Variants in FBXO32 observed in about 807,000 individuals in gnomAD.
FBXO32 encodes F-box only protein 32.
FBXO32 carries 15 observed loss-of-function variants against 48.3 expected under a neutral mutation model. That is an observed-to-expected ratio of 0.31 (90% CI 0.21 to 0.48). The LOEUF is 0.48. Ranked by LOEUF, FBXO32 falls within the 20% of genes least tolerant of loss-of-function variation. FBXO32 has a pLI of 0.99. For synonymous variants in FBXO32, 154 were observed against 165.9 expected (o/e 0.93, Z 0.55); for missense variants, 309 against 432.7 (o/e 0.71, Z 2.54).
intron 4 of FBXO32, among the ~76,000 whole-genome samples, chr8:123,531,651 C>T (rs533979388): frequency 1.3e-5 from 2 of 152,268 alleles, no homozygotes; most frequent in Admixed American, 6.5e-5. Context: ...GCTCTTTAAC[C>T]GACTCACTGG....
chr8:123,519,100 C>T (rs1348693911), intron 4 of FBXO32, among the ~76,000 whole-genome samples: 2 of 152,148 alleles, frequency 1.3e-5, no homozygotes, highest in African/African-American at 2.4e-5. Flanking sequence ...GCTGGGATTA[C>T]AGGCATGAGC....
chr8:123,520,776 A>C (rs766428899), intron 4 of FBXO32, among the ~76,000 whole-genome samples: 2 of 152,080 alleles, frequency 1.3e-5, no homozygotes, highest in Non-Finnish European at 2.9e-5. Context: ...AAAATCCTCA[A>C]ATGGCTTCTC....
chr8:123,514,326 T>C lies in FBXO32; in HGVS notation c.380A>G (p.Glu127Gly), dbSNP rs1446880796. ...TGTGAGCTGTGACTTTGCTATCAGC[T>C]CCAACAGCTGAGGATAAAAATAGAA... ...RRFNYVVRLL[E>G]LIAKSQLTSL... is the part of the protein sequence containing the mutation. Residue 127 changes from glutamate (E) to glycine (G), a missense_variant, in exon 5 of 9, where the codon GAG (glutamate) becomes GGG (glycine). Glu to Gly is a moderately conservative substitution (Grantham distance 98, BLOSUM62 -2). Transcript: ENST00000517956. 3 of 1,611,614 alleles carry C rather than the reference T, an allele frequency of 1.9e-6. No individual in the cohort carries two copies. Among genetic ancestry groups the C allele is most frequent in the Non-Finnish European group, 2.5e-6 (3 of 1,179,086 alleles).
At chr8:123,507,849 G>A (rs1816660407) in intron 6 of FBXO32, among the ~76,000 whole-genome samples, 1 of 152,088 alleles carries the variant, frequency 6.6e-6, no homozygotes, top group Non-Finnish European at 1.5e-5. Context: ...GCTGGTGAGA[G>A]ACCCAGAGGC....
chr8:123,534,390 AC>A lies in FBXO32; in HGVS notation c.229+311del, dbSNP rs577392124. On this transcript the variant is annotated intron_variant, in intron 2 of 8. Coordinates refer to ENST00000517956, the MANE Select transcript of FBXO32 (RefSeq NM_058229.4). ...CCTCAAAACAGTTCAAAATAAAAGTACATACTGGAACTGATTCAGCTGACCA... is the reference window on the plus strand; with the variant it reads ...CCTCAAAACAGTTCAAAATAAAAGTAATACTGGAACTGATTCAGCTGACCA... Among the ~76,000 whole-genome samples the A allele has an allele frequency of 8.5e-5, 13 of 152,342 alleles. No homozygotes were observed. In the South Asian group the frequency reaches 2.7e-3, roughly 32 times the overall value.
intron 4 of FBXO32, among the ~76,000 whole-genome samples, chr8:123,531,032 T>C (rs1386825184): frequency 7.6e-6 from 1 of 132,328 alleles, no homozygotes; most frequent in Non-Finnish European, 1.5e-5. Flanking sequence ...CAGGCTGGAG[T>C]GCAATGGCGC....
chr8:123,509,421 T>C (rs964612179), intron 6 of FBXO32, among the ~76,000 whole-genome samples: 6 of 152,166 alleles, frequency 3.9e-5, no homozygotes, highest in African/African-American at 1.4e-4. Flanking sequence ...GTGTGGAGGC[T>C]GGGCTCAGTG....
At chr8:123,522,205 CTT>C (rs138504281) in intron 4 of FBXO32, among the ~76,000 whole-genome samples, 9,809 of 114,968 alleles carry the variant, frequency 0.085, 369 homozygotes, top group Admixed American at 0.18. Context: ...ATCCTGGTTA[CTT>C]TTTTTTTTTT....
In FBXO32 at chr8:123,540,313, G is replaced by T. The variant is rs1267656223; in HGVS notation, c.116+586C>A. Among the ~76,000 whole-genome samples, 1 of 152,168 alleles carries T rather than the reference G, an allele frequency of 6.6e-6. No individual in the cohort carries two copies. Among genetic ancestry groups the T allele is most frequent in the Non-Finnish European group, 1.5e-5 (1 of 68,024 alleles). On this transcript the variant is annotated intron_variant, in intron 1 of 8. Coordinates refer to ENST00000517956, the MANE Select transcript of FBXO32 (RefSeq NM_058229.4). The surrounding 1 kb of genome is among the most constrained non-coding windows in gnomAD (Gnocchi z 6.4). ...CCAAGCCTCCACCGCTCGCAAGTCC[G>T]CCCAGTAAGCGGCTGCCCCAGGGAC...
chr8:123,523,797 C>A (rs182798644), intron 4 of FBXO32, among the ~76,000 whole-genome samples: 1,622 of 152,216 alleles, frequency 0.011, 13 homozygotes, highest in Admixed American at 0.018. Flanking sequence ...ACAGAAATCT[C>A]AGTATTTTAT....
At position 123,506,241 on chromosome 8, in the gene FBXO32, C is replaced by T; in HGVS notation, c.834+151G>A. On this transcript the variant is annotated intron_variant, in intron 7 of 8. Transcript: ENST00000517956. This position sits in a 1 kb window ranked among gnomAD's most constrained non-coding sequence, Gnocchi z 4.0. Reference sequence around the variant, plus strand: ...GAGACCCTGTCTCAAAAAACAAAATCACAAAACTCCTTCAACTGTCATTTT... The same window carrying T: ...GAGACCCTGTCTCAAAAAACAAAATTACAAAACTCCTTCAACTGTCATTTT... 1 of 870,406 alleles carries T rather than the reference C, an allele frequency of 1.1e-6. No individual in the cohort carries two copies. Among genetic ancestry groups the T allele is most frequent in the Non-Finnish European group, 1.8e-6 (1 of 562,932 alleles). 53.9% of individuals were successfully genotyped at this position (870,406 alleles called of 1,614,324 possible).
Position 123,501,961 on chromosome 8 carries a change from A to G in FBXO32, c.*1412T>C, listed in dbSNP as rs1162620383. 1.3e-5 allele frequency: 2 copies of G among 152,236 alleles called. No homozygotes were observed. Among genetic ancestry groups the G allele is most frequent in the Non-Finnish European group, 2.9e-5 (2 of 68,042 alleles). The allele number at this position is 152,236 out of a possible 1,614,324, so 9.4% of individuals were successfully genotyped here. Reference sequence around the variant, plus strand: ...CCATCTATTCCCAGGAATATTTTACAACGAACTCATTAGGTCCTGAGATTT... The same window carrying G: ...CCATCTATTCCCAGGAATATTTTACGACGAACTCATTAGGTCCTGAGATTT... On this transcript the variant is annotated 3_prime_UTR_variant, in exon 9 of 9. Coordinates refer to ENST00000517956, the MANE Select transcript of FBXO32 (RefSeq NM_058229.4).
chr8:123,503,312 C>T lies in FBXO32; in HGVS notation c.*61G>A. 6.6e-6 allele frequency: 9 copies of T among 1,370,094 alleles called. No homozygotes were observed. Among genetic ancestry groups the T allele is most frequent in the Non-Finnish European group, 9.4e-6 (9 of 961,422 alleles). The allele number at this position is 1,370,094 out of a possible 1,614,324, so 84.9% of individuals were successfully genotyped here. ...ATTTACAAATGAAGTGTCCAAATGCCATATTCCCAGCTCTCCAGTCAGCAG... is the reference window on the plus strand; with the variant it reads ...ATTTACAAATGAAGTGTCCAAATGCTATATTCCCAGCTCTCCAGTCAGCAG... On this transcript the variant is annotated 3_prime_UTR_variant, in exon 9 of 9. Transcript: ENST00000517956.
intron 4 of FBXO32, among the ~76,000 whole-genome samples, chr8:123,521,739 A>C (rs910350658): frequency 6.6e-6 from 1 of 152,132 alleles, no homozygotes; most frequent in African/African-American, 2.4e-5. Context: ...AGTATGAAGT[A>C]TGTGTCTGAC....
At chr8:123,514,420 G>A (rs1312082148) in intron 4 of FBXO32, 87 bp from the exon 5 acceptor site, 2 of 935,444 alleles carry the variant, frequency 2.1e-6, no homozygotes, top group African/African-American at 1.7e-5. Flanking sequence ...ATGACACGTG[G>A]ATACAGACTG....
At chr8:123,519,783 G>A (rs1240597436) in intron 4 of FBXO32, among the ~76,000 whole-genome samples, 2 of 151,772 alleles carry the variant, frequency 1.3e-5, no homozygotes, top group Non-Finnish European at 2.9e-5. Context: ...AGAATTTACC[G>A]ATTTTTAAAT....
chr8:123,531,003 G>C lies in FBXO32; in HGVS notation c.372+895C>G, dbSNP rs542886712. On this transcript the variant is annotated intron_variant, in intron 4 of 8. Transcript: ENST00000517956. The stretch of plus-strand genomic sequence containing the variant: ...TTTTTTTTTTTTTTTTTTTTACATG[G>C]AGTCTCACTCCTGTTGCCCAGGCTG... Among the ~76,000 whole-genome samples, 215 of 116,960 alleles carry C rather than the reference G, an allele frequency of 1.8e-3. 1 individual carries two copies. The highest frequency in any genetic ancestry group is 2.1e-3 in the Non-Finnish European group (126 of 59,354). 76.7% of individuals were successfully genotyped at this position (116,960 alleles called of 152,430 possible). A position where few individuals can be genotyped will look rare whatever the true frequency, so the allele number is the denominator to read the frequency against.
At chr8:123,530,413 C>T (rs763119350) in intron 4 of FBXO32, among the ~76,000 whole-genome samples, 1 of 152,056 alleles carries the variant, frequency 6.6e-6, no homozygotes, top group African/African-American at 2.4e-5. Context: ...ACCAACCACA[C>T]CCACAGGGGG....
Position 123,539,927 on chromosome 8 carries a change from G to A in FBXO32, c.116+972C>T, listed in dbSNP as rs137937457. On this transcript the variant is annotated intron_variant, in intron 1 of 8. Coordinates refer to ENST00000517956, the MANE Select transcript of FBXO32 (RefSeq NM_058229.4). ...ATCACTTTCATCGCCCCCGCTCACCGGGCTAAATGCTGAGAGTCTCTGAAA... is the reference window on the plus strand; with the variant it reads ...ATCACTTTCATCGCCCCCGCTCACCAGGCTAAATGCTGAGAGTCTCTGAAA... Among the ~76,000 whole-genome samples, 662 of 152,296 alleles carry A rather than the reference G, an allele frequency of 4.3e-3. 6 individuals are homozygous for A. Among genetic ancestry groups the A allele is most frequent in the African/African-American group, 0.015 (629 of 41,572 alleles).
Sources: allele counts gnomAD v4.1 joint callset (sites outside exome capture counted in the v4.1 genomes callset), GRCh38; gene constraint gnomAD v4.1.1; non-coding constraint Gnocchi (gnomAD v3.1); transcripts MANE v1.5; gene names NCBI Gene and HGNC (gene_info 2026-07-23, HGNC 2026-07-21).